ULK1: variants seen among roughly 807,000 people sequenced by gnomAD.
ULK1 encodes the protein serine/threonine-protein kinase ULK1.
In ULK1, 48 loss-of-function variants were observed where a neutral mutation model predicts 117.5. The observed-to-expected ratio is 0.41, with a 90% CI of 0.32 to 0.52. The LOEUF is 0.52. Among genes scored for constraint, ULK1 ranks in the 20% least tolerant of loss-of-function variants. The pLI, the probability that ULK1 is intolerant of heterozygous loss-of-function variation, is 0.29. For synonymous variants in ULK1, 790 were observed against 637.8 expected, an observed-to-expected ratio of 1.24 and a Z score of -3.60; for missense variants, 1,387 against 1,473.4, an observed-to-expected ratio of 0.94 and a Z score of 0.96.
At chr12:131,901,220 G>C (rs950533692) in intron 3 of ULK1, among the ~76,000 whole-genome samples, 4 of 151,910 alleles carry the variant, frequency 2.6e-5, no homozygotes, top group African/African-American at 7.3e-5. Flanking sequence ...TTAGCTGGGC[G>C]TGGTGGTGGG....
Position 131,921,772 on chromosome 12 carries a change from G to A in ULK1, c.*411G>A, listed in dbSNP as rs1890160934. ...TGCCCAGGAAGAGCCTGCGGCCTCG[G>A]CGTCCCCCAGTCTCCAGGAGCCTCT... On this transcript the variant is annotated 3_prime_UTR_variant, in exon 28 of 28. Coordinates refer to ENST00000321867, the MANE Select transcript of ULK1 (RefSeq NM_003565.4). 1.9e-6 allele frequency: 1 copy of A among 516,824 alleles called. No individual in the cohort carries two copies. The highest frequency in any genetic ancestry group is 1.5e-5 in the South Asian group (1 of 65,052). 32.0% of individuals were successfully genotyped at this position (516,824 alleles called of 1,614,324 possible). A position where few individuals can be genotyped will look rare whatever the true frequency, so the allele number is the denominator to read the frequency against.
rs746196372 is a variant in ULK1 at position 131,915,941 on chromosome 12, C to T, written c.1660C>T (p.Leu554=). The T allele has an allele frequency of 6.8e-6, 11 of 1,612,416 alleles. No homozygotes were observed. In the African/African-American group the frequency reaches 1.3e-4, roughly 20 times the overall value. ...SPRTSGLGCR[L]HSAPNLSDLH... ...CCGCACTTCCGGGCTGGGCTGCCGC[C>T]TGCACAGCGCCCCCAACCTGTCTGA... The change falls in exon 19 of 28, where the codon CTG becomes TTG. Residue 554 remains leucine (L), a synonymous_variant. Coordinates refer to ENST00000321867, the MANE Select transcript of ULK1 (RefSeq NM_003565.4).
chr12:131,900,352 T>C (rs1032774651), intron 3 of ULK1, among the ~76,000 whole-genome samples: 33 of 152,202 alleles, frequency 2.2e-4, no homozygotes, highest in African/African-American at 7.5e-4. Context: ...GTTTTGTGTA[T>C]TGGGTTTCTT....
At position 131,907,503 on chromosome 12, in the gene ULK1, C is replaced by T. The variant is rs371409689; in HGVS notation, c.288C>T (p.Asn96=). 1.6e-5 allele frequency: 25 copies of T among 1,612,508 alleles called. No individual in the cohort carries two copies. The highest frequency in any genetic ancestry group is 3.3e-5 in the Admixed American group (2 of 59,960). ...NSVYLVMEYC[N]GGDLADYLHA... is the part of the protein sequence containing the mutation. ...TGTCTGGTCTCTTGCAGTACTGCAA[C>T]GGTGGGGACCTGGCCGACTACCTGC... Residue 96 remains asparagine, a synonymous_variant, in exon 5 of 28, where the codon AAC becomes AAT. Coordinates refer to ENST00000321867, the MANE Select transcript of ULK1 (RefSeq NM_003565.4).
At chr12:131,898,616 C>T (rs1242150794) in intron 3 of ULK1, among the ~76,000 whole-genome samples, 2 of 152,054 alleles carry the variant, frequency 1.3e-5, no homozygotes, top group African/African-American at 2.4e-5. Context: ...ATCCTCCTGC[C>T]TCAGCCTCCC....
At chr12:131,897,158 G>A (rs1475322604) in intron 3 of ULK1, 1 of 152,290 alleles carries the variant, frequency 6.6e-6, no homozygotes, top group Non-Finnish European at 1.5e-5. Context: ...AGGCGCTCCT[G>A]TCTCCGGGCA....
rs1889466221 is a variant in ULK1 at position 131,910,086 on chromosome 12, A to G, written c.808+85A>G. 22 of 1,573,314 alleles carry G rather than the reference A, an allele frequency of 1.4e-5. No individual in the cohort carries two copies. The East Asian group carries it at 4.7e-4, about 34-fold the overall frequency. On this transcript the variant is annotated intron_variant, in intron 10 of 27. Transcript: ENST00000321867. ...TGTGAGCAGGGCCCACCGGCTTCAC[A>G]CCCAGCCCCATGTGCACACTGCCCT...
chr12:131,915,317 ATC>A lies in ULK1; in HGVS notation c.1523-12_1523-11del, dbSNP rs1257809844. On this transcript the variant is annotated splice_polypyrimidine_tract_variant and intron_variant, in intron 17 of 27. Transcript: ENST00000321867. ...CTCTGTCCCAGCTGGACCCTGACAG[ATC>A]TCTCTTTTCCCCAAGTTGGAACCAT... is the stretch of plus-strand genomic sequence containing the variant. The A allele has an allele frequency of 7.4e-6, 12 of 1,612,416 alleles. No individual in the cohort carries two copies. The highest frequency in any genetic ancestry group is 2.7e-5 in the African/African-American group (2 of 75,048).
At chr12:131,908,621 C>A (rs1335559925) in intron 5 of ULK1, 23 bp from the exon 6 acceptor site, 3 of 1,461,802 alleles carry the variant, frequency 2.1e-6, no homozygotes, top group Non-Finnish European at 1.8e-6. Context: ...GGCCCCCAGG[C>A]CCTGAGCCGC....
At position 131,915,957 on chromosome 12, in the gene ULK1, A is replaced by G; in HGVS notation, c.1676A>G (p.Asn559Ser). The stretch of plus-strand genomic sequence containing the variant: ...GGCTGCCGCCTGCACAGCGCCCCCA[A>G]CCTGTCTGACTTGCACGTCGTCCGC... ...GLGCRLHSAP[N>S]LSDLHVVRPK... The change falls in exon 19 of 28, where the codon AAC (asparagine) becomes AGC (serine). Residue 559 changes from asparagine (N) to serine (S), a missense_variant. Around this residue, in one of 4 missense-constraint regions of ULK1, gnomAD observed 900 missense variants for 858.9 expected, o/e 1.05. Coordinates refer to ENST00000321867, the MANE Select transcript of ULK1 (RefSeq NM_003565.4). 3 of 1,612,162 alleles carry G rather than the reference A, an allele frequency of 1.9e-6. No homozygotes were observed. The highest frequency in any genetic ancestry group is 1.1e-5 in the South Asian group (1 of 91,072).
Position 131,913,190 on chromosome 12 carries a change from C to G in ULK1, c.1097-8C>G. ...GGACTCCAGGCCCAGCCTTGTCTCC[C>G]CCTGCAGGTGACCTGGTGGCTGAGG... On this transcript the variant is annotated splice_region_variant and splice_polypyrimidine_tract_variant and intron_variant, in intron 13 of 27. Coordinates refer to ENST00000321867, the MANE Select transcript of ULK1 (RefSeq NM_003565.4). 2 of 1,575,568 alleles carry G rather than the reference C, an allele frequency of 1.3e-6. No individual in the cohort carries two copies. The highest frequency in any genetic ancestry group is 2.3e-5 in the South Asian group (2 of 86,982).
rs1429856432 is a variant in ULK1, at chr12:131,917,498, G to A, written c.2270G>A (p.Gly757Asp). 6 of 1,488,614 alleles carry A rather than the reference G, an allele frequency of 4.0e-6. No homozygotes were observed. Among genetic ancestry groups the A allele is most frequent in the Admixed American group, 4.6e-5 (2 of 43,782 alleles). 92.2% of individuals were successfully genotyped at this position (1,488,614 alleles called of 1,614,324 possible). A position where few individuals can be genotyped will look rare whatever the true frequency, so the allele number is the denominator to read the frequency against. The change falls in exon 22 of 28, where the codon GGC becomes GAC. Residue 757 changes from glycine (G) to aspartate (D), a missense_variant. Coordinates refer to ENST00000321867, the MANE Select transcript of ULK1 (RefSeq NM_003565.4). ...CCTTCCCCGGTGGTCTTCACCGTGG[G>A]CTCTCCCCCGAGCGGGAGCACGCCC... ...SSPSPVVFTVGSPPSGSTPPQ... is the reference protein window; with the variant it reads ...SSPSPVVFTVDSPPSGSTPPQ...
At chr12:131,912,393 G>A (rs565259520) in intron 13 of ULK1, among the ~76,000 whole-genome samples, 1 of 152,154 alleles carries the variant, frequency 6.6e-6, no homozygotes, top group African/African-American at 2.4e-5. Context: ...CCCCCGCCAT[G>A]TACCCCTACC....
chr12:131,916,420 C>T lies in ULK1; in HGVS notation c.1901C>T (p.Pro634Leu), dbSNP rs148994071. 2.5e-4 allele frequency: 395 copies of T among 1,590,624 alleles called. No individual in the cohort carries two copies. Among genetic ancestry groups the T allele is most frequent in the South Asian group, 4.6e-4 (41 of 89,350 alleles). The change falls in exon 20 of 28, where the codon CCG becomes CTG. Residue 634 changes from proline to leucine, a missense_variant. Pro to Leu is a moderately conservative substitution (Grantham distance 98). Around this residue, in one of 4 missense-constraint regions of ULK1, gnomAD observed 900 missense variants for 858.9 expected, o/e 1.05. Transcript: ENST00000321867. Reference protein sequence around the residue: ...PTKAVPSFDFPKTPSSQNLLA... With the variant: ...PTKAVPSFDFLKTPSSQNLLA... ...TAGGCTGTGCCCTCCTTTGACTTCC[C>T]GAAGACCCCCAGCTCCCAGAACCTG...
chr12:131,920,245 G>A (rs947057650), intron 26 of ULK1, 109 bp downstream of exon 26: 4 of 1,397,784 alleles, frequency 2.9e-6, no homozygotes, highest in East Asian at 5.0e-5. Context: ...TTTGGGGGGT[G>A]TCACTTCTGG....
At position 131,916,079 on chromosome 12, in the gene ULK1, C is replaced by G; in HGVS notation, c.1798C>G (p.Arg600Gly). ...PQPSHGLQSC[R>G]NLRGSPKLPD... ...GCCGTCCCACGGCCTGCAGTCCTGC[C>G]GGAACCTGCGGGGCTCACCCAAGCT... The change falls in exon 19 of 28, where the codon CGG becomes GGG. Residue 600 changes from arginine (R) to glycine (G), a missense_variant. By Grantham distance (125) the Arg-to-Gly change is moderately radical (BLOSUM62 -2). Coordinates refer to ENST00000321867, the MANE Select transcript of ULK1 (RefSeq NM_003565.4). 1.2e-6 allele frequency: 2 copies of G among 1,612,576 alleles called. No individual in the cohort carries two copies. The highest frequency in any genetic ancestry group is 1.7e-5 in the Admixed American group (1 of 59,998).
At chr12:131,915,473 AC>A in intron 18 of ULK1, 52 bp downstream of exon 18, 5 of 1,587,374 alleles carry the variant, frequency 3.1e-6, no homozygotes, top group Non-Finnish European at 3.4e-6. Flanking sequence ...TCCCTCGCTC[AC>A]GTTGTCATCC....
intron 22 of ULK1, among the ~76,000 whole-genome samples, chr12:131,917,829 G>A (rs985854258): frequency 6.6e-6 from 1 of 152,250 alleles, no homozygotes; most frequent in Admixed American, 6.5e-5. Context: ...GAGGTGAGCA[G>A]GGACGGTGTC....
In ULK1 at chr12:131,918,688, G is replaced by A. The variant is rs776938154; in HGVS notation, c.2511+7G>A. 3.8e-6 allele frequency: 6 copies of A among 1,574,552 alleles called. No individual in the cohort carries two copies. In the South Asian group the frequency reaches 6.9e-5, roughly 18 times the overall value. ...TGAGGAGACCCTCATGGAGGTGAGG[G>A]CTGGAGTGAGCAAAGGTTCCCATTC... On this transcript the variant is annotated splice_region_variant and intron_variant, in intron 23 of 27. Transcript: ENST00000321867.
Sources: allele counts gnomAD v4.1 joint callset (sites outside exome capture counted in the v4.1 genomes callset), GRCh38; gene constraint gnomAD v4.1.1; regional missense constraint gnomAD v4.1.1; transcripts MANE v1.5; gene names NCBI Gene and HGNC (gene_info 2026-07-23, HGNC 2026-07-21).